POLD1: variants seen among roughly 807,000 people sequenced by gnomAD.
POLD1 encodes DNA polymerase delta catalytic subunit.
In POLD1, 79 loss-of-function variants were observed where a neutral mutation model predicts 129.7. The observed-to-expected ratio is 0.61, with a 90% CI of 0.51 to 0.73. The LOEUF (loss-of-function observed/expected upper bound fraction) is 0.73. Ranked by LOEUF, POLD1 falls within the 30% of genes least tolerant of loss-of-function variation. The pLI is 0.00. For synonymous variants in POLD1, 714 were observed against 683.3 expected, an observed-to-expected ratio of 1.04 and a Z score of -0.70; for missense variants, 1,338 against 1,595.8, an observed-to-expected ratio of 0.84 and a Z score of 2.75.
intron 1 of POLD1, among the ~76,000 whole-genome samples, chr19:50,386,544 A>T (rs2123701614): frequency 6.6e-6 from 1 of 152,350 alleles, no homozygotes; most frequent in African/African-American, 2.4e-5. Flanking sequence ...GGCTGAAAGG[A>T]TCCCAGCTCT....
At chr19:50,386,047 T>G (rs2123698228) in intron 1 of POLD1, among the ~76,000 whole-genome samples, 1 of 152,118 alleles carries the variant, frequency 6.6e-6, no homozygotes, top group Admixed American at 6.5e-5. Flanking sequence ...GGCGGAGCAG[T>G]GATAGTCTTT....
rs1431451365 is a variant in POLD1, at chr19:50,400,691, C to G, written c.317-1087C>G. Reference sequence around the variant, plus strand: ...GGACTACAGGTGTGCACCACAATGTCTGGCTAACTTTTTTTTTTTTTTTGA... The same window carrying G: ...GGACTACAGGTGTGCACCACAATGTGTGGCTAACTTTTTTTTTTTTTTTGA... On this transcript the variant is annotated intron_variant, in intron 3 of 26. Transcript: ENST00000440232. Among the ~76,000 whole-genome samples the G allele has an allele frequency of 2.0e-5, 3 of 150,182 alleles. No individual in the cohort carries two copies. In the East Asian group the frequency reaches 6.0e-4, roughly 30 times the overall value.
rs41559717 is a variant in POLD1 at position 50,406,072 on chromosome 19, C to T, written c.1243-110C>T. 31,585 of 1,364,884 alleles carry T rather than the reference C, an allele frequency of 0.023. 486 individuals are homozygous for T. The highest frequency in any genetic ancestry group is 0.028 in the Non-Finnish European group (27,804 of 989,936). The allele number at this position is 1,364,884 out of a possible 1,614,324, so 84.5% of individuals were successfully genotyped here. On this transcript the variant is annotated intron_variant, in intron 10 of 26. Transcript: ENST00000440232. The surrounding 1 kb of genome is among the most constrained non-coding windows in gnomAD (Gnocchi z 5.5). ...GTCTTTCTGCCCCCAGGGTTGCTCT[C>T]GACCCCCTAGGGTTGTTATAAGGAT...
rs2038869206 is a variant in POLD1, at chr19:50,406,161, C to T, written c.1243-21C>T. ...TGACGGGGACCCGCAGCCTGCTGCACACCCTGCCTCTCCTCCTCAGGTACA... is the reference window on the plus strand; with the variant it reads ...TGACGGGGACCCGCAGCCTGCTGCATACCCTGCCTCTCCTCCTCAGGTACA... On this transcript the variant is annotated intron_variant, in intron 10 of 26. Coordinates refer to ENST00000440232, the MANE Select transcript of POLD1 (RefSeq NM_002691.4). The surrounding 1 kb of genome is among the most constrained non-coding windows in gnomAD (Gnocchi z 5.5). The T allele has an allele frequency of 1.2e-6, 2 of 1,607,768 alleles. No homozygotes were observed. The highest frequency in any genetic ancestry group is 1.7e-6 in the Non-Finnish European group (2 of 1,175,594).
intron 26 of POLD1, among the ~76,000 whole-genome samples, 167 bp from the exon 27 acceptor site, chr19:50,417,675 C>G (rs983740533): frequency 1.8e-5 from 2 of 109,620 alleles, no homozygotes; most frequent in African/African-American, 8.8e-5. Flanking sequence ...ATCGGCTCCC[C>G]CCCCCCACCC....
chr19:50,412,829 C>T (rs1351920852), intron 17 of POLD1, among the ~76,000 whole-genome samples: 2 of 151,804 alleles, frequency 1.3e-5, no homozygotes, highest in South Asian at 2.1e-4. Flanking sequence ...AGGCTGATCT[C>T]GAACTCCTGA....
chr19:50,396,833 C>T (rs149448900), intron 1 of POLD1, among the ~76,000 whole-genome samples: 4,958 of 151,998 alleles, frequency 0.033, 276 homozygotes, highest in African/African-American at 0.11. Flanking sequence ...TGGTGGCTTA[C>T]GCCTGTAATC....
chr19:50,411,783 T>C (rs930728892), intron 17 of POLD1, among the ~76,000 whole-genome samples: 3 of 150,472 alleles, frequency 2.0e-5, no homozygotes, highest in Non-Finnish European at 4.4e-5. Context: ...GAGGTTGCAG[T>C]GAGCCGAGAT....
chr19:50,393,096 T>C (rs1257713732), intron 1 of POLD1, among the ~76,000 whole-genome samples: 1 of 152,204 alleles, frequency 6.6e-6, no homozygotes, highest in Non-Finnish European at 1.5e-5. Context: ...TGATAATATA[T>C]CTACAGTGTA....
chr19:50,413,711 T>G, intron 18 of POLD1, 31 bp from the exon 19 acceptor site: 2 of 1,570,450 alleles, frequency 1.3e-6, no homozygotes, highest in Non-Finnish European at 8.6e-7. Context: ...GGACCCTGCT[T>G]CTCACATACA....
chr19:50,410,687 C>T (rs1297025853), intron 17 of POLD1, among the ~76,000 whole-genome samples: 1 of 152,138 alleles, frequency 6.6e-6, no homozygotes, highest in Non-Finnish European at 1.5e-5. Flanking sequence ...GCCAGGCTGG[C>T]CCTCCTTCCT....
rs773148463 is a variant in POLD1, at chr19:50,402,653, C to T, written c.882C>T (p.Asp294=). The T allele has an allele frequency of 6.9e-6, 11 of 1,589,914 alleles. No homozygotes were observed. Among genetic ancestry groups the T allele is most frequent in the Admixed American group, 3.6e-5 (2 of 56,176 alleles). ...CQLEADVLWS[D]VVSHPPEGPW... ...TGGAGGCGGACGTGCTGTGGTCTGA[C>T]GTGGTCAGTCACCCACCGGAAGGGC... is the stretch of plus-strand genomic sequence containing the variant. The change falls in exon 8 of 27, where the codon GAC becomes GAT. Residue 294 remains aspartate, a synonymous_variant. Coordinates refer to ENST00000440232, the MANE Select transcript of POLD1 (RefSeq NM_002691.4).
At chr19:50,387,008 C>T (rs879701359) in intron 1 of POLD1, among the ~76,000 whole-genome samples, 1 of 151,836 alleles carries the variant, frequency 6.6e-6, no homozygotes, top group Non-Finnish European at 1.5e-5. Context: ...CTGGCTAACA[C>T]GGTGAAACCC....
At chr19:50,405,637 C>T (rs528479808) in intron 10 of POLD1, among the ~76,000 whole-genome samples, 12 of 152,280 alleles carry the variant, frequency 7.9e-5, no homozygotes, top group African/African-American at 2.9e-4. Context: ...GTATATTCCA[C>T]AGCGTGGCGC....
rs564687475 is a variant in POLD1, at chr19:50,389,042, A to G, written c.-2+4652A>G. Among the ~76,000 whole-genome samples, 5 of 151,672 alleles carry G rather than the reference A, an allele frequency of 3.3e-5. No homozygotes were observed. In the South Asian group the frequency reaches 1.0e-3, roughly 32 times the overall value. ...AAGATGGGGTTTCACCATCTTTGCC[A>G]GGCTGCTCTTGAACTCCTGACCTTA... is the stretch of plus-strand genomic sequence containing the variant. On this transcript the variant is annotated intron_variant, in intron 1 of 26. Coordinates refer to ENST00000440232, the MANE Select transcript of POLD1 (RefSeq NM_002691.4).
chr19:50,391,291 G>T (rs537690609), intron 1 of POLD1, among the ~76,000 whole-genome samples: 1 of 152,088 alleles, frequency 6.6e-6, no homozygotes, highest in Non-Finnish European at 1.5e-5. Context: ...CTTCCCAGAC[G>T]GGGTGGCGGC....
At chr19:50,401,720 GAC>G in intron 3 of POLD1, 56 bp from the exon 4 acceptor site, 1 of 1,590,600 alleles carries the variant, frequency 6.3e-7, no homozygotes, top group South Asian at 1.1e-5. Context: ...AGGCTGTGGA[GAC>G]ACACCTTGGA....
rs944644442 is a variant in POLD1 at position 50,401,280 on chromosome 19, T to C, written c.317-498T>C. 8.2e-5 allele frequency among the ~76,000 whole-genome samples: 12 copies of C among 145,480 alleles called. No homozygotes were observed. The South Asian group carries it at 2.5e-3, about 31-fold the overall frequency. On this transcript the variant is annotated intron_variant, in intron 3 of 26. Transcript: ENST00000440232. ...TATATTCTTTATGTATTAATTTATGTATAACATATATTATATATTAATATA... is the reference window on the plus strand; with the variant it reads ...TATATTCTTTATGTATTAATTTATGCATAACATATATTATATATTAATATA...
At chr19:50,387,072 A>G (rs960555258) in intron 1 of POLD1, among the ~76,000 whole-genome samples, 4 of 152,090 alleles carry the variant, frequency 2.6e-5, no homozygotes, top group African/African-American at 9.7e-5. Flanking sequence ...GGCGCCTGTA[A>G]TCCCAGCACT....
Sources: gnomAD v4.1 joint callset for allele counts (sites outside exome capture counted in the v4.1 genomes callset) on GRCh38, gnomAD v4.1.1 for gene constraint, Gnocchi (gnomAD v3.1) non-coding constraint, MANE v1.5 for transcripts, NCBI Gene and HGNC (gene_info 2026-07-23, HGNC 2026-07-21) for gene names.